COL24A1: variants seen among roughly 807,000 people sequenced by gnomAD.
COL24A1 encodes collagen type XXIV alpha 1 chain.
In COL24A1, 224 loss-of-function variants were observed where a neutral mutation model predicts 253.9. That is an observed-to-expected ratio of 0.88 (90% CI 0.79 to 0.99). The LOEUF (loss-of-function observed/expected upper bound fraction) is 0.99, where lower values mean the gene tolerates loss of function less well. COL24A1 is among the 50% of genes least tolerant of loss of function. COL24A1 has a pLI of 0.00. For missense variants in COL24A1, 2,131 were observed against 2,068.5 expected (o/e 1.03, Z -0.59); for synonymous variants, 685 against 673.7 (o/e 1.02, Z -0.26).
At chr1:86,111,138 T>A (rs6576800) in intron 5 of COL24A1, among the ~76,000 whole-genome samples, 1 of 145,218 alleles carries the variant, frequency 6.9e-6, no homozygotes, top group Non-Finnish European at 1.5e-5. Context: ...GCTAATCTGG[T>A]GGGGACTTAG....
intron 2 of COL24A1, 90 bp downstream of exon 2, chr1:86,146,029 A>G: frequency 9.5e-7 from 1 of 1,052,278 alleles, no homozygotes; most frequent in South Asian, 1.5e-5. Context: ...TGTTGAATTT[A>G]CAGTTATAAT....
intron 19 of COL24A1, among the ~76,000 whole-genome samples, chr1:86,012,724 A>G (rs981700274): frequency 6.6e-6 from 1 of 152,272 alleles, no homozygotes; most frequent in African/African-American, 2.4e-5. Flanking sequence ...CCTCTGCCCT[A>G]TTTAAAGCCT....
intron 24 of COL24A1, among the ~76,000 whole-genome samples, chr1:85,959,866 G>A (rs1478829821): frequency 6.6e-6 from 1 of 152,134 alleles, no homozygotes; most frequent in Non-Finnish European, 1.5e-5. Context: ...AACTTCGGAT[G>A]CCAACTTTAT....
chr1:86,151,617 C>T (rs565409819), intron 1 of COL24A1, among the ~76,000 whole-genome samples: 1 of 152,076 alleles, frequency 6.6e-6, no homozygotes, highest in African/African-American at 2.4e-5. Flanking sequence ...ATCCAAAGAC[C>T]ATACTCAGAA....
chr1:86,033,501 A>C (rs1020099363), intron 13 of COL24A1, among the ~76,000 whole-genome samples: 1 of 152,172 alleles, frequency 6.6e-6, no homozygotes, highest in African/African-American at 2.4e-5. Context: ...ACTAAGAAGT[A>C]AGGTGGATCA....
At chr1:86,022,424 A>G in intron 17 of COL24A1, 114 bp downstream of exon 17, 3 of 1,346,110 alleles carry the variant, frequency 2.2e-6, no homozygotes, top group Non-Finnish European at 3.1e-6. Context: ...ACAAGAACTT[A>G]AAACCATATT....
At chr1:85,992,437 T>C (rs1458115897) in intron 19 of COL24A1, among the ~76,000 whole-genome samples, 1 of 152,214 alleles carries the variant, frequency 6.6e-6, no homozygotes, top group African/African-American at 2.4e-5. Flanking sequence ...GCCTTTTAAA[T>C]AATACATTTC....
intron 12 of COL24A1, 60 bp downstream of exon 12, chr1:86,046,765 G>A: frequency 6.3e-7 from 1 of 1,575,702 alleles, no homozygotes; most frequent in Non-Finnish European, 8.7e-7. Flanking sequence ...TAATAAGTAA[G>A]AACACATAAC....
chr1:85,870,960 T>G (rs1307496047), intron 35 of COL24A1, among the ~76,000 whole-genome samples: 3 of 151,464 alleles, frequency 2.0e-5, no homozygotes, highest in African/African-American at 7.3e-5. Context: ...GCAATACTAA[T>G]AAAGAAGAAA....
chr1:85,911,543 T>C, intron 24 of COL24A1, 110 bp from the exon 25 acceptor site: 1 of 900,606 alleles, frequency 1.1e-6, no homozygotes, highest in Non-Finnish European at 1.8e-6. Flanking sequence ...TTATCCTAAA[T>C]GTTATCTTGG....
In COL24A1 at chr1:85,875,288, G is replaced by A; in HGVS notation, c.3073C>T (p.Pro1025Ser). Reference protein sequence around the residue: ...TEGESGLQGEPGAKGDVGTAG... With the variant: ...TEGESGLQGESGAKGDVGTAG... The stretch of plus-strand genomic sequence containing the variant: ...TTTTAGAAGGTTACCTTTGCACCTG[G>A]TTCACCTTGCAGACCAGACTCTCCC... The change falls in exon 34 of 60, where the codon CCA (proline) becomes TCA (serine). Residue 1025 changes from proline to serine, a missense_variant. Coordinates refer to ENST00000370571, the MANE Select transcript of COL24A1 (RefSeq NM_152890.7). 6.2e-7 allele frequency: 1 copy of A among 1,613,724 alleles called. No homozygotes were observed. The highest frequency in any genetic ancestry group is 8.5e-7 in the Non-Finnish European group (1 of 1,179,764).
intron 45 of COL24A1, among the ~76,000 whole-genome samples, chr1:85,822,411 A>G (rs1293057775): frequency 2.0e-5 from 3 of 152,332 alleles, no homozygotes; most frequent in Non-Finnish European, 4.4e-5. Flanking sequence ...TTTGAAATCA[A>G]TAGCATGTGA....
chr1:85,919,190 T>G (rs897419099), intron 24 of COL24A1, among the ~76,000 whole-genome samples: 2 of 152,164 alleles, frequency 1.3e-5, no homozygotes, highest in African/African-American at 4.8e-5. Context: ...AAGTAAGAAA[T>G]AAACTTTTAT....
intron 2 of COL24A1, among the ~76,000 whole-genome samples, chr1:86,143,167 C>T (rs1203880022): frequency 6.6e-6 from 1 of 152,120 alleles, no homozygotes; most frequent in Non-Finnish European, 1.5e-5. Flanking sequence ...GGATGTGCTG[C>T]ACCCAAATAA....
At chr1:85,802,593 T>C (rs1042282930) in intron 47 of COL24A1, among the ~76,000 whole-genome samples, 3 of 152,170 alleles carry the variant, frequency 2.0e-5, no homozygotes, top group Non-Finnish European at 4.4e-5. Context: ...CTGAGTATAA[T>C]TGACACGAAG....
Position 85,849,363 on chromosome 1 carries a change from G to A in COL24A1, c.3344C>T (p.Pro1115Leu). The change falls in exon 38 of 60, where the codon CCA (proline) becomes CTA (leucine). Residue 1115 changes from proline (P) to leucine (L), a missense_variant. Physicochemically the swap from Pro to Leu is moderately conservative, Grantham distance 98. Coordinates refer to ENST00000370571, the MANE Select transcript of COL24A1 (RefSeq NM_152890.7). ...IVGIPGQRGR[P>L]GKKGDKGQIG... is the part of the protein sequence containing the mutation. ...GATGTAAAAAATTACCTTTTTTCCT[G>A]GACGACCTCTTTGCCCTGGAATTCC... is the stretch of plus-strand genomic sequence containing the variant. The A allele has an allele frequency of 1.2e-6, 2 of 1,612,134 alleles. No individual in the cohort carries two copies. The highest frequency in any genetic ancestry group is 1.3e-5 in the African/African-American group (1 of 74,834).
intron 5 of COL24A1, among the ~76,000 whole-genome samples, chr1:86,108,444 C>G (rs937573653): frequency 2.6e-5 from 4 of 151,616 alleles, no homozygotes; most frequent in South Asian, 2.1e-4. Context: ...CCCATTTTTT[C>G]TTTGTATTTG....
intron 1 of COL24A1, among the ~76,000 whole-genome samples, chr1:86,148,812 G>C (rs1297639705): frequency 6.6e-6 from 1 of 152,048 alleles, no homozygotes. Context: ...ATAAACATAC[G>C]TGTGCATGTG....
At chr1:85,866,610 C>T (rs980151901) in intron 37 of COL24A1, among the ~76,000 whole-genome samples, 1 of 151,906 alleles carries the variant, frequency 6.6e-6, no homozygotes, top group African/African-American at 2.4e-5. Context: ...CCCGTCTCTA[C>T]TAAAAATATA....
Sources: allele counts gnomAD v4.1 joint callset (sites outside exome capture counted in the v4.1 genomes callset), GRCh38; gene constraint gnomAD v4.1.1; transcripts MANE v1.5; gene names NCBI Gene and HGNC (gene_info 2026-07-23, HGNC 2026-07-21).